The following NALCN variants were observed in gnomAD, a reference collection of about 807,000 sequenced individuals.
NALCN encodes sodium leak channel NALCN.
NALCN carries 111 observed loss-of-function variants against 225.3 expected under a neutral mutation model. The ratio of observed to expected loss-of-function variants is 0.49; its 90% CI spans 0.42 to 0.58. The LOEUF (loss-of-function observed/expected upper bound fraction) is 0.58. NALCN is among the 20% of genes least tolerant of loss of function. The pLI is 0.00. For missense variants in NALCN, 1,378 were observed against 2,202.4 expected (o/e 0.63, Z 7.49); for synonymous variants, 764 against 769.0 (o/e 0.99, Z 0.11).
At chr13:101,197,382 A>T (rs1428917588) in intron 13 of NALCN, among the ~76,000 whole-genome samples, 1 of 151,980 alleles carries the variant, frequency 6.6e-6, no homozygotes, top group Non-Finnish European at 1.5e-5. Flanking sequence ...ATGGCATGAA[A>T]TTGTAGCTCT....
chr13:101,184,218 T>C (rs2039358323), intron 14 of NALCN, among the ~76,000 whole-genome samples: 1 of 152,210 alleles, frequency 6.6e-6, no homozygotes, highest in Admixed American at 6.5e-5. Context: ...GCATTCAGTG[T>C]GGAAAATGCC....
intron 27 of NALCN, among the ~76,000 whole-genome samples, chr13:101,100,257 T>A (rs1166221351): frequency 1.3e-5 from 2 of 152,160 alleles, no homozygotes; most frequent in African/African-American, 2.4e-5. Flanking sequence ...ATGAGTCTTA[T>A]GTGACAACAA....
intron 7 of NALCN, among the ~76,000 whole-genome samples, chr13:101,305,830 T>A (rs1289194576): frequency 6.6e-6 from 1 of 152,228 alleles, no homozygotes; most frequent in African/African-American, 2.4e-5. Flanking sequence ...TCTGTGTTGG[T>A]CACCACCATA....
At chr13:101,203,207 C>T (rs954347925) in intron 13 of NALCN, among the ~76,000 whole-genome samples, 15 of 151,838 alleles carry the variant, frequency 9.9e-5, no homozygotes, top group Admixed American at 3.9e-4. Flanking sequence ...GGTTAAATTC[C>T]GGAATTCCTA....
intron 3 of NALCN, among the ~76,000 whole-genome samples, chr13:101,387,655 T>C (rs1256309728): frequency 6.6e-6 from 1 of 151,978 alleles, no homozygotes; most frequent in African/African-American, 2.4e-5. Flanking sequence ...GTATGAAAAA[T>C]GATGAGGTTT....
chr13:101,191,845 G>C (rs2039692873), intron 14 of NALCN, 72 bp downstream of exon 14: 1 of 1,502,762 alleles, frequency 6.7e-7, no homozygotes, highest in Admixed American at 2.1e-5. Flanking sequence ...ATTGACAATA[G>C]GCCAAATATC....
At chr13:101,181,960 C>T (rs571474097) in intron 14 of NALCN, among the ~76,000 whole-genome samples, 5 of 151,878 alleles carry the variant, frequency 3.3e-5, no homozygotes, top group East Asian at 1.9e-4. Context: ...GGTGAAACCC[C>T]GTTTCTACTA....
chr13:101,401,094 G>C (rs1439384052), intron 1 of NALCN, among the ~76,000 whole-genome samples: 1 of 152,110 alleles, frequency 6.6e-6, no homozygotes, highest in Non-Finnish European at 1.5e-5. Context: ...GAAAACGGAC[G>C]GATTCACCTC....
rs1431585323 is a variant in NALCN at position 101,054,005 on chromosome 13, T to G, written c.*1290A>C. 1 of 151,848 alleles carries G rather than the reference T, an allele frequency of 6.6e-6. No homozygotes were observed. The highest frequency in any genetic ancestry group is 6.6e-5 in the Admixed American group (1 of 15,256). 9.4% of individuals were successfully genotyped at this position (151,848 alleles called of 1,614,324 possible). On this transcript the variant is annotated 3_prime_UTR_variant, in exon 44 of 44. Transcript: ENST00000251127. Reference sequence around the variant, plus strand: ...GGAATGTTAAATAGAGAAAAATAGATTATAAAACAACCTGGAGGTCACAGG... The same window carrying G: ...GGAATGTTAAATAGAGAAAAATAGAGTATAAAACAACCTGGAGGTCACAGG...
intron 15 of NALCN, among the ~76,000 whole-genome samples, chr13:101,163,689 T>A (rs1223090692): frequency 6.6e-6 from 1 of 152,104 alleles, no homozygotes; most frequent in African/African-American, 2.4e-5. Flanking sequence ...CCAGGCTACT[T>A]GCCAGCTTTA....
intron 14 of NALCN, among the ~76,000 whole-genome samples, chr13:101,183,468 T>C (rs866240832): frequency 6.6e-6 from 1 of 152,218 alleles, no homozygotes; most frequent in South Asian, 2.1e-4. Flanking sequence ...GAGTGATTGA[T>C]TGATTGATTG....
chr13:101,073,481 C>T (rs1233972308), intron 37 of NALCN, 103 bp downstream of exon 37: 2 of 872,972 alleles, frequency 2.3e-6, no homozygotes, highest in Non-Finnish European at 3.5e-6. Flanking sequence ...ATATTTCATA[C>T]ATAAAGTCTT....
intron 42 of NALCN, chr13:101,058,984 G>A (rs1219967087): frequency 1.3e-5 from 2 of 152,296 alleles, no homozygotes; most frequent in Admixed American, 6.5e-5. Context: ...GGGCCTCCTG[G>A]AGCACCCTGC....
intron 11 of NALCN, among the ~76,000 whole-genome samples, chr13:101,250,595 T>A (rs2042033945): frequency 6.6e-6 from 1 of 152,002 alleles, no homozygotes; most frequent in African/African-American, 2.4e-5. Flanking sequence ...TCATTCCAAA[T>A]GTATTGGAGT....
rs1053596969 is a variant in NALCN, at chr13:101,222,005, T to C, written c.1626+7388A>G. ...ATCATGCTTTTTCTCATCTAAAACG[T>C]GCCTTATTGCAGGCCCATGCTTTAG... is the stretch of plus-strand genomic sequence containing the variant. On this transcript the variant is annotated intron_variant, in intron 13 of 43. Coordinates refer to ENST00000251127, the MANE Select transcript of NALCN (RefSeq NM_052867.4). 3.9e-4 allele frequency among the ~76,000 whole-genome samples: 60 copies of C among 152,164 alleles called. 1 individual carries two copies. The highest frequency in any genetic ancestry group is 1.4e-3 in the African/African-American group (59 of 41,452).
At chr13:101,380,710 C>G (rs2046824441) in intron 3 of NALCN, among the ~76,000 whole-genome samples, 3 of 152,090 alleles carry the variant, frequency 2.0e-5, no homozygotes, top group South Asian at 4.1e-4. Flanking sequence ...TGAGAGGTTT[C>G]TGGAAATAGT....
chr13:101,100,499 G>A (rs1339667870), intron 27 of NALCN, among the ~76,000 whole-genome samples: 1 of 152,164 alleles, frequency 6.6e-6, no homozygotes, highest in Non-Finnish European at 1.5e-5. Flanking sequence ...GAATTCTTAG[G>A]GTTTTATAGG....
intron 17 of NALCN, chr13:101,142,710 T>C: frequency 4.0e-6 from 1 of 250,566 alleles, no homozygotes; most frequent in Non-Finnish European, 7.9e-6. Context: ...TCGTATCCTC[T>C]CTGATGTAAT....
chr13:101,235,420 G>A (rs1169208244), intron 12 of NALCN, among the ~76,000 whole-genome samples: 1 of 152,104 alleles, frequency 6.6e-6, no homozygotes, highest in Non-Finnish European at 1.5e-5. Flanking sequence ...TACTTTAATA[G>A]CTTTGTAAAA....
Sources: gnomAD v4.1 joint callset for allele counts (sites outside exome capture counted in the v4.1 genomes callset) on GRCh38, gnomAD v4.1.1 for gene constraint, MANE v1.5 for transcripts, NCBI Gene and HGNC (gene_info 2026-07-23, HGNC 2026-07-21) for gene names.